Variants in PLCB4 observed in about 807,000 individuals in gnomAD.
PLCB4 encodes phospholipase C beta 4.
PLCB4 carries 77 observed loss-of-function variants against 178.8 expected under a neutral mutation model. That is an observed-to-expected ratio of 0.43 (90% CI 0.36 to 0.52). The LOEUF is 0.52. PLCB4 is among the 20% of genes least tolerant of loss of function. The pLI, the probability that PLCB4 is intolerant of heterozygous loss-of-function variation, is 0.00. For missense variants in PLCB4, 1,024 were observed against 1,453.4 expected (o/e 0.70, Z 4.80); for synonymous variants, 496 against 490.8 (o/e 1.01, Z -0.14).
At chr20:9,349,173 A>G (rs527880660) in intron 7 of PLCB4, among the ~76,000 whole-genome samples, 1 of 152,210 alleles carries the variant, frequency 6.6e-6, no homozygotes. Context: ...ACCATTTTAA[A>G]GTGAACAATT....
chr20:9,123,871 G>A (rs1259671297), intron 2 of PLCB4, among the ~76,000 whole-genome samples: 1 of 151,914 alleles, frequency 6.6e-6, no homozygotes, highest in Non-Finnish European at 1.5e-5. Context: ...GACTTTTTCT[G>A]TAAAAGGCCA....
intron 28 of PLCB4, among the ~76,000 whole-genome samples, chr20:9,425,051 TAA>T (rs397830384): frequency 7.5e-6 from 1 of 133,820 alleles, no homozygotes; most frequent in Non-Finnish European, 1.7e-5. Flanking sequence ...TTGTCTTTCA[TAA>T]AAAAAAAAAA....
chr20:9,085,510 A>G (rs6118477), intron 1 of PLCB4, among the ~76,000 whole-genome samples: 74,072 of 151,956 alleles, frequency 0.49, 18,538 homozygotes, highest in Middle Eastern at 0.57. Flanking sequence ...ATGGTTTTGT[A>G]TATCTTATTT....
At position 9,137,153 on chromosome 20, in the gene PLCB4, C is replaced by T. The variant is rs185263867; in HGVS notation, c.-79+40811C>T. Among the ~76,000 whole-genome samples, 161 of 152,220 alleles carry T rather than the reference C, an allele frequency of 1.1e-3. 1 individual carries two copies. Among genetic ancestry groups the T allele is most frequent in the Non-Finnish European group, 1.6e-3 (108 of 67,996 alleles). ...TTACTCCTTCAGGCCTAGGACACGT[C>T]ATATTCCCTGCATGGTTTCCCTAAT... On this transcript the variant is annotated intron_variant, in intron 2 of 39. Coordinates refer to ENST00000378473, the MANE Select transcript of PLCB4 (RefSeq NM_001377142.1).
intron 2 of PLCB4, among the ~76,000 whole-genome samples, chr20:9,209,296 A>G (rs2093646999): frequency 6.6e-6 from 1 of 152,120 alleles, no homozygotes; most frequent in Non-Finnish European, 1.5e-5. Context: ...CTTGTGACAT[A>G]GCTGCAGAGT....
At chr20:9,194,634 A>G (rs1193596624) in intron 2 of PLCB4, among the ~76,000 whole-genome samples, 1 of 144,786 alleles carries the variant, frequency 6.9e-6, no homozygotes, top group Non-Finnish European at 1.5e-5. Flanking sequence ...CGGAGCTTGC[A>G]GTGAGTGGAG....
chr20:9,350,971 GATC>G (rs2034280585), intron 7 of PLCB4, among the ~76,000 whole-genome samples: 1 of 152,192 alleles, frequency 6.6e-6, no homozygotes, highest in Non-Finnish European at 1.5e-5. Flanking sequence ...AATGTTTTAA[GATC>G]ATTATCTGTG....
At chr20:9,468,862 T>G (rs1003570984) in intron 36 of PLCB4, among the ~76,000 whole-genome samples, 190 bp downstream of exon 36, 1 of 152,238 alleles carries the variant, frequency 6.6e-6, no homozygotes, top group African/African-American at 2.4e-5. Flanking sequence ...CCACATTTTC[T>G]GGTTGCTTAC....
At position 9,419,922 on chromosome 20, in the gene PLCB4, C is replaced by G. The variant is rs764528136; in HGVS notation, c.2154+13C>G. The G allele has an allele frequency of 2.0e-6, 3 of 1,513,004 alleles. No individual in the cohort carries two copies. The highest frequency in any genetic ancestry group is 2.2e-5 in the South Asian group (2 of 89,014). 93.7% of individuals were successfully genotyped at this position (1,513,004 alleles called of 1,614,324 possible). The stretch of plus-strand genomic sequence containing the variant: ...TTGCTCAGTGCAGGTAAGGCCCCTG[C>G]TCATCACAAGGTAGTATAAATGTAT... On this transcript the variant is annotated intron_variant, in intron 26 of 39. Transcript: ENST00000378473.
At chr20:9,116,150 T>C (rs534740574) in intron 2 of PLCB4, among the ~76,000 whole-genome samples, 58 of 150,232 alleles carry the variant, frequency 3.9e-4, no homozygotes, top group South Asian at 2.7e-3. Context: ...TGTGTGCGCG[T>C]GTGTGTGTGT....
chr20:9,414,433 C>G (rs550739858), intron 25 of PLCB4, among the ~76,000 whole-genome samples: 4 of 152,202 alleles, frequency 2.6e-5, no homozygotes, highest in Non-Finnish European at 5.9e-5. Context: ...TGGTTCTCAC[C>G]GTGTCACCCT....
intron 34 of PLCB4, among the ~76,000 whole-genome samples, chr20:9,457,924 C>T (rs1342913686): frequency 6.6e-6 from 1 of 152,002 alleles, no homozygotes; most frequent in African/African-American, 2.4e-5. Flanking sequence ...AAATTAAGAG[C>T]TGATATTCTA....
intron 2 of PLCB4, among the ~76,000 whole-genome samples, chr20:9,216,968 C>G (rs1168881636): frequency 6.6e-6 from 1 of 152,278 alleles, no homozygotes; most frequent in East Asian, 1.9e-4. Context: ...TAAAAAAAGA[C>G]TCTCTTTGCA....
chr20:9,129,679 C>T (rs1405205753), intron 2 of PLCB4, among the ~76,000 whole-genome samples: 2 of 152,106 alleles, frequency 1.3e-5, no homozygotes, highest in Non-Finnish European at 2.9e-5. Flanking sequence ...GGTACATCTG[C>T]CTTCCCACCC....
chr20:9,320,663 C>T (rs1205933849), intron 4 of PLCB4, among the ~76,000 whole-genome samples: 1 of 152,176 alleles, frequency 6.6e-6, no homozygotes, highest in East Asian at 1.9e-4. Flanking sequence ...GTCTTTTTAG[C>T]TTCCTTTTGC....
At chr20:9,301,761 A>G (rs1460993115) in intron 3 of PLCB4, among the ~76,000 whole-genome samples, 5 of 152,038 alleles carry the variant, frequency 3.3e-5, no homozygotes, top group African/African-American at 7.2e-5. Flanking sequence ...GCTCTGGAAC[A>G]AGACCTTCTA....
chr20:9,418,788 C>T (rs1021381448), intron 25 of PLCB4, among the ~76,000 whole-genome samples: 1 of 152,136 alleles, frequency 6.6e-6, no homozygotes, highest in Non-Finnish European at 1.5e-5. Context: ...TATGGTCTTC[C>T]AACCCATGAA....
chr20:9,364,688 G>A (rs2035625527), intron 8 of PLCB4, among the ~76,000 whole-genome samples: 1 of 152,168 alleles, frequency 6.6e-6, no homozygotes, highest in Non-Finnish European at 1.5e-5. Flanking sequence ...AGTTAGTGGT[G>A]CTTCTACGAA....
chr20:9,092,924 A>G (rs1191229617), intron 1 of PLCB4, among the ~76,000 whole-genome samples: 1 of 152,162 alleles, frequency 6.6e-6, no homozygotes, highest in Non-Finnish European at 1.5e-5. Context: ...GTATCTGGGA[A>G]AGCAAATCGT....
Sources: gnomAD v4.1 joint callset for allele counts (sites outside exome capture counted in the v4.1 genomes callset) on GRCh38, gnomAD v4.1.1 for gene constraint, MANE v1.5 for transcripts, NCBI Gene and HGNC (gene_info 2026-07-23, HGNC 2026-07-21) for gene names.